Variants in MTHFD1L observed in about 807,000 individuals in gnomAD.
The protein encoded by MTHFD1L is methylenetetrahydrofolate dehydrogenase (NADP+ dependent) 1 like.
In MTHFD1L, 81 loss-of-function variants were observed where a neutral mutation model predicts 119.5. That is an observed-to-expected ratio of 0.68 (90% CI 0.57 to 0.82). MTHFD1L has a LOEUF of 0.82. MTHFD1L is among the 40% of genes least tolerant of loss of function. The probability of loss-of-function intolerance (pLI) is 0.00; values close to 1 mark genes in which losing one functional copy is unlikely to be tolerated. For missense variants in MTHFD1L, 1,125 were observed against 1,253.4 expected, an observed-to-expected ratio of 0.90 and a Z score of 1.55; for synonymous variants, 430 against 475.2, an observed-to-expected ratio of 0.90 and a Z score of 1.24.
intron 17 of MTHFD1L, among the ~76,000 whole-genome samples, chr6:150,956,403 T>C (rs762579529): frequency 2.6e-5 from 4 of 152,226 alleles, no homozygotes; most frequent in Non-Finnish European, 5.9e-5. Flanking sequence ...TACATCTGCA[T>C]AACTGATAAA....
At chr6:151,052,412 C>T (rs1374314384) in intron 26 of MTHFD1L, among the ~76,000 whole-genome samples, 2 of 152,160 alleles carry the variant, frequency 1.3e-5, no homozygotes, top group African/African-American at 2.4e-5. Flanking sequence ...TGGCAGGAGG[C>T]AGACAAGCTG....
At chr6:150,988,565 G>A (rs1443361133) in intron 20 of MTHFD1L, among the ~76,000 whole-genome samples, 3 of 150,044 alleles carry the variant, frequency 2.0e-5, no homozygotes, top group African/African-American at 7.4e-5. Flanking sequence ...AACATCTTTT[G>A]TGGGGTGTAG....
At chr6:151,073,696 A>T (rs1751146824) in intron 26 of MTHFD1L, among the ~76,000 whole-genome samples, 1 of 152,158 alleles carries the variant, frequency 6.6e-6, no homozygotes, top group Admixed American at 6.5e-5. Flanking sequence ...GATAAAAAAA[A>T]AAAACTCTTA....
chr6:150,928,391 A>G (rs67008194), intron 11 of MTHFD1L, among the ~76,000 whole-genome samples: 71,558 of 143,458 alleles, frequency 0.5, 19,351 homozygotes, highest in African/African-American at 0.72. Context: ...AGCCAAGATC[A>G]CGCCACTGCA....
chr6:150,993,176 C>A (rs1224454813), intron 20 of MTHFD1L, among the ~76,000 whole-genome samples: 22 of 152,098 alleles, frequency 1.4e-4, no homozygotes, highest in Non-Finnish European at 8.8e-5. Flanking sequence ...TTTTCAGGGA[C>A]AGGCAACAAT....
chr6:151,047,980 G>A (rs1320027237), intron 26 of MTHFD1L, among the ~76,000 whole-genome samples: 2 of 152,134 alleles, frequency 1.3e-5, no homozygotes, highest in Non-Finnish European at 2.9e-5. Flanking sequence ...ATGGCGGCAG[G>A]AAAGAGAGAG....
chr6:151,006,129 T>C (rs1781351021), intron 20 of MTHFD1L, among the ~76,000 whole-genome samples: 1 of 149,896 alleles, frequency 6.7e-6, no homozygotes, highest in African/African-American at 2.5e-5. Flanking sequence ...GGCACGTCAG[T>C]GTACTTAGGA....
At chr6:151,057,926 G>A (rs554589613) in intron 26 of MTHFD1L, among the ~76,000 whole-genome samples, 5 of 152,180 alleles carry the variant, frequency 3.3e-5, no homozygotes, top group African/African-American at 4.8e-5. Context: ...TTACAGGCGC[G>A]TGCCACCATG....
chr6:151,017,423 C>T (rs908085407), intron 24 of MTHFD1L, among the ~76,000 whole-genome samples: 8 of 151,572 alleles, frequency 5.3e-5, no homozygotes, highest in South Asian at 2.1e-4. Context: ...CTCAGCTCAC[C>T]GCAACCTTCT....
Position 150,936,788 on chromosome 6 carries a change from C to T in MTHFD1L, c.1257-16C>T. ...TGGGAAATATTATAAAATTCACTTT[C>T]TCCCCCCGAACTCAGGATCACACCC... On this transcript the variant is annotated splice_polypyrimidine_tract_variant and intron_variant, in intron 11 of 27. Coordinates refer to ENST00000367321, the MANE Select transcript of MTHFD1L (RefSeq NM_015440.5). The T allele has an allele frequency of 6.2e-7, 1 of 1,605,844 alleles. No homozygotes were observed. Among genetic ancestry groups the T allele is most frequent in the East Asian group, 2.2e-5 (1 of 44,568 alleles).
intron 26 of MTHFD1L, among the ~76,000 whole-genome samples, chr6:151,038,257 G>T (rs1396435761): frequency 2.0e-5 from 3 of 152,112 alleles, no homozygotes; most frequent in Non-Finnish European, 4.4e-5. Flanking sequence ...TTATGCCTGG[G>T]GTAGAACTTA....
intron 1 of MTHFD1L, chr6:150,866,541 G>A (rs1282128610): frequency 7.9e-7 from 1 of 1,272,342 alleles, no homozygotes; most frequent in South Asian, 2.7e-5. Flanking sequence ...CCGCCCGCGC[G>A]AAGCTCCCTG....
At position 150,936,895 on chromosome 6, in the gene MTHFD1L, G is replaced by T; in HGVS notation, c.1348G>T (p.Ala450Ser). 1 of 1,614,090 alleles carries T rather than the reference G, an allele frequency of 6.2e-7. No homozygotes were observed. The highest frequency in any genetic ancestry group is 8.5e-7 in the Non-Finnish European group (1 of 1,180,018). Residue 450 changes from alanine to serine, a missense_variant, in exon 12 of 28, where the codon GCC becomes TCC. Physicochemically the swap from Ala to Ser is moderately conservative, Grantham distance 99. Around this residue, in one of 3 missense-constraint regions of MTHFD1L, gnomAD observed 1,058 missense variants for 1,151.2 expected, o/e 0.92. Coordinates refer to ENST00000367321, the MANE Select transcript of MTHFD1L (RefSeq NM_015440.5). ...CGCACACCTGAATGTCAACTCCTTTGCCTGCTTGAGGCAGCCTTCCCAAGG... is the reference window on the plus strand; with the variant it reads ...CGCACACCTGAATGTCAACTCCTTTTCCTGCTTGAGGCAGCCTTCCCAAGG... The part of the protein sequence containing the change: ...LTAHLNVNSF[A>S]CLRQPSQGPT...
At chr6:151,070,848 G>T (rs770080267) in intron 26 of MTHFD1L, among the ~76,000 whole-genome samples, 1 of 152,234 alleles carries the variant, frequency 6.6e-6, no homozygotes, top group South Asian at 2.1e-4. Context: ...TTCCTCATTG[G>T]GAACTATTTT....
intron 26 of MTHFD1L, among the ~76,000 whole-genome samples, chr6:151,052,132 G>C (rs1789153194): frequency 6.6e-6 from 1 of 152,224 alleles, no homozygotes; most frequent in Non-Finnish European, 1.5e-5. Context: ...ACTTCAAACC[G>C]GCACGGCAGT....
chr6:151,003,235 A>T (rs559099574), intron 20 of MTHFD1L, among the ~76,000 whole-genome samples: 1 of 152,218 alleles, frequency 6.6e-6, no homozygotes, highest in East Asian at 1.9e-4. Context: ...AAAACACATT[A>T]AAAACAGAAA....
intron 7 of MTHFD1L, among the ~76,000 whole-genome samples, chr6:150,890,533 G>T (rs1018223175): frequency 6.6e-6 from 1 of 152,166 alleles, no homozygotes; most frequent in Non-Finnish European, 1.5e-5. Flanking sequence ...ATGACCACTA[G>T]GGAATGTATC....
intron 10 of MTHFD1L, among the ~76,000 whole-genome samples, chr6:150,925,230 C>T (rs1789733055): frequency 6.6e-6 from 1 of 152,162 alleles, no homozygotes; most frequent in African/African-American, 2.4e-5. Context: ...CTCTCTGATG[C>T]AACCTTTAAG....
At chr6:150,949,531 T>C (rs191935892) in intron 16 of MTHFD1L, among the ~76,000 whole-genome samples, 2 of 152,314 alleles carry the variant, frequency 1.3e-5, no homozygotes, top group African/African-American at 2.4e-5. Context: ...TTCTGTTCAC[T>C]TCCTTACCAC....
Sources: gnomAD v4.1 joint callset for allele counts (sites outside exome capture counted in the v4.1 genomes callset) on GRCh38, gnomAD v4.1.1 for gene constraint, gnomAD v4.1.1 regional missense constraint, MANE v1.5 for transcripts, NCBI Gene and HGNC (gene_info 2026-07-23, HGNC 2026-07-21) for gene names.